The following HPSE2 variants were observed in gnomAD, a reference collection of about 807,000 sequenced individuals.
HPSE2 encodes heparanase 2 (inactive).
A neutral mutation model predicts 60.5 loss-of-function variants in HPSE2; 38 were observed. The observed-to-expected ratio is 0.63, with a 90% CI of 0.48 to 0.82. HPSE2 has a LOEUF of 0.82. HPSE2 is among the 40% of genes least tolerant of loss of function. The pLI is 0.00. For missense variants in HPSE2, 713 were observed against 740.4 expected (o/e 0.96, Z 0.43); for synonymous variants, 295 against 293.2 (o/e 1.01, Z -0.06).
At chr10:98,638,918 A>G (rs1946567979) in intron 7 of HPSE2, among the ~76,000 whole-genome samples, 1 of 152,220 alleles carries the variant, frequency 6.6e-6, no homozygotes, top group Non-Finnish European at 1.5e-5. Flanking sequence ...ACTAAATGAA[A>G]CAGGGAGGAT....
intron 2 of HPSE2, among the ~76,000 whole-genome samples, chr10:99,152,823 A>G (rs1015191940): frequency 6.6e-6 from 1 of 152,220 alleles, no homozygotes; most frequent in Admixed American, 6.5e-5. Context: ...TGATTTCTGC[A>G]TTTCCATCTG....
At chr10:98,493,534 T>C (rs1016355924) in intron 9 of HPSE2, among the ~76,000 whole-genome samples, 6 of 152,200 alleles carry the variant, frequency 3.9e-5, no homozygotes, top group Non-Finnish European at 8.8e-5. Flanking sequence ...CTTTTATTAA[T>C]ATATAATTTC....
intron 3 of HPSE2, among the ~76,000 whole-genome samples, chr10:99,005,873 T>C (rs1186847810): frequency 6.6e-6 from 1 of 152,202 alleles, no homozygotes; most frequent in African/African-American, 2.4e-5. Context: ...TCTGAGTAAG[T>C]TGTCCATAGG....
In HPSE2 at chr10:98,941,732, T is replaced by C. The variant is rs879732067; in HGVS notation, c.611-197676A>G. 3.6e-3 allele frequency among the ~76,000 whole-genome samples: 494 copies of C among 135,932 alleles called. 20 individuals carry two copies. The highest frequency in any genetic ancestry group is 0.013 in the South Asian group (59 of 4,454). The allele number at this position is 135,932 out of a possible 152,430, so 89.2% of individuals were successfully genotyped here. The stretch of plus-strand genomic sequence containing the variant: ...TTCACAGAATTGGAAAAAACTACTT[T>C]AAAGTTCATATGGAACCAAAAAAGA... On this transcript the variant is annotated intron_variant, in intron 3 of 11. Transcript: ENST00000370552.
chr10:98,869,535 TGTAA>T (rs1450400429), intron 3 of HPSE2, among the ~76,000 whole-genome samples: 1 of 152,170 alleles, frequency 6.6e-6, no homozygotes, highest in Non-Finnish European at 1.5e-5. Context: ...TTCATTCTAT[TGTAA>T]TTAAGAATTG....
chr10:98,590,770 A>G (rs1015218973), intron 9 of HPSE2, among the ~76,000 whole-genome samples: 7 of 152,202 alleles, frequency 4.6e-5, no homozygotes, highest in African/African-American at 1.7e-4. Flanking sequence ...GTGGTTACAG[A>G]GTGGTTTCTG....
intron 3 of HPSE2, among the ~76,000 whole-genome samples, chr10:98,769,191 T>C (rs756739100): frequency 2.0e-5 from 3 of 152,126 alleles, no homozygotes; most frequent in Non-Finnish European, 4.4e-5. Context: ...CACTGGAAGA[T>C]TGGGAAGAAT....
chr10:99,054,906 G>A (rs985680166), intron 3 of HPSE2, among the ~76,000 whole-genome samples: 4 of 151,982 alleles, frequency 2.6e-5, no homozygotes, highest in African/African-American at 9.7e-5. Flanking sequence ...TAGAGACAGG[G>A]TTTTACTATG....
chr10:98,893,206 T>G (rs1040114721), intron 3 of HPSE2, among the ~76,000 whole-genome samples: 44 of 152,118 alleles, frequency 2.9e-4, no homozygotes, highest in African/African-American at 8.9e-4. Flanking sequence ...CAGCTGGGAT[T>G]ACAGGCATGC....
At chr10:99,283,211 A>C in the HPSE2 span, among the ~76,000 whole-genome samples, 2 of 5,564 alleles carry the variant, frequency 3.6e-4, no homozygotes, top group African/African-American at 1.5e-3. Flanking sequence ...AAAAAAAAAA[A>C]AAAAACAGAA....
At chr10:98,957,161 G>A (rs1226610738) in intron 3 of HPSE2, among the ~76,000 whole-genome samples, 2 of 152,104 alleles carry the variant, frequency 1.3e-5, no homozygotes, top group African/African-American at 4.8e-5. Context: ...CCCAGTGGTC[G>A]CAAGTTTGGC....
In HPSE2 at chr10:99,104,919, G is replaced by A. The variant is rs975167928; in HGVS notation, c.610+39319C>T. Among the ~76,000 whole-genome samples the A allele has an allele frequency of 2.5e-3, 374 of 152,148 alleles. 3 individuals are homozygous for A. The highest frequency in any genetic ancestry group is 8.5e-3 in the African/African-American group (352 of 41,490). ...ACACACCGGGGCCTGTCGTGGGGTC[G>A]GGGGAGAGGGGAGGGATAGCATTAG... On this transcript the variant is annotated intron_variant, in intron 3 of 11. Transcript: ENST00000370552.
intron 3 of HPSE2, among the ~76,000 whole-genome samples, chr10:99,060,174 T>C (rs1322206751): frequency 2.0e-5 from 3 of 151,792 alleles, no homozygotes; most frequent in Non-Finnish European, 4.4e-5. Flanking sequence ...AAAAGGATAA[T>C]ATGGGCATAA....
At chr10:99,107,388 AT>A (rs1320234372) in intron 3 of HPSE2, among the ~76,000 whole-genome samples, 1 of 152,010 alleles carries the variant, frequency 6.6e-6, no homozygotes, top group East Asian at 1.9e-4. Context: ...AATTTCTACC[AT>A]TGGTTTTTCT....
At chr10:98,960,081 C>A (rs1156567161) in intron 3 of HPSE2, among the ~76,000 whole-genome samples, 1 of 152,084 alleles carries the variant, frequency 6.6e-6, no homozygotes, top group East Asian at 1.9e-4. Context: ...TGTTGATTCA[C>A]CAAAATACTT....
intron 3 of HPSE2, among the ~76,000 whole-genome samples, chr10:99,095,246 T>A (rs556854595): frequency 1.0e-3 from 155 of 152,266 alleles, no homozygotes; most frequent in African/African-American, 3.6e-3. Flanking sequence ...TACATAGATA[T>A]TCACAACTAT....
In HPSE2 at chr10:98,815,047, T is replaced by C. The variant is rs1292302891; in HGVS notation, c.611-70991A>G. Among the ~76,000 whole-genome samples the C allele has an allele frequency of 4.6e-5, 7 of 152,278 alleles. No individual in the cohort carries two copies. The South Asian group carries it at 6.2e-4, about 14-fold the overall frequency. On this transcript the variant is annotated intron_variant, in intron 3 of 11. Transcript: ENST00000370552. ...CTTTGGGAGGCCAAGGCAGGAGGAC[T>C]GCTTGAGGCCAGGAATTCTAGACCA...
intron 9 of HPSE2, among the ~76,000 whole-genome samples, chr10:98,492,671 A>G (rs1489378849): frequency 3.3e-5 from 5 of 152,182 alleles, no homozygotes; most frequent in Non-Finnish European, 7.3e-5. Flanking sequence ...TCAATAGGAG[A>G]TAGCTAAATG....
At chr10:98,836,184 A>G (rs1051644759) in intron 3 of HPSE2, among the ~76,000 whole-genome samples, 3 of 152,218 alleles carry the variant, frequency 2.0e-5, no homozygotes, top group Admixed American at 1.3e-4. Context: ...TCTGCAGAAC[A>G]TCTTTCTATT....
Sources: allele counts gnomAD v4.1 joint callset (sites outside exome capture counted in the v4.1 genomes callset), GRCh38; gene constraint gnomAD v4.1.1; transcripts MANE v1.5; gene names NCBI Gene and HGNC (gene_info 2026-07-23, HGNC 2026-07-21).